PFKP: variants seen among roughly 807,000 people sequenced by gnomAD.
The protein encoded by PFKP is phosphofructokinase, platelet.
Under a neutral mutation model 94.3 loss-of-function variants are expected in PFKP, and 101 were observed. The ratio of observed to expected loss-of-function variants is 1.07; its 90% CI spans 0.91 to 1.26. The LOEUF (loss-of-function observed/expected upper bound fraction) is 1.26, where lower values mean the gene tolerates loss of function less well. Among genes scored for constraint, PFKP ranks in the 50% most tolerant of loss-of-function variants. The probability of loss-of-function intolerance (pLI) is 0.00; values close to 1 mark genes in which losing one functional copy is unlikely to be tolerated. For synonymous variants in PFKP, 573 were observed against 432.6 expected, an observed-to-expected ratio of 1.32 and a Z score of -4.03; for missense variants, 1,145 against 1,103.3, an observed-to-expected ratio of 1.04 and a Z score of -0.53.
intron 8 of PFKP, among the ~76,000 whole-genome samples, chr10:3,107,519 C>G (rs189997055): frequency 6.6e-6 from 1 of 152,244 alleles, no homozygotes; most frequent in Non-Finnish European, 1.5e-5. Context: ...CACCTCTTGC[C>G]GAGCCCGTAG....
At chr10:3,069,331 G>T in intron 1 of PFKP, 1 of 1,578,468 alleles carries the variant, frequency 6.3e-7, no homozygotes. Flanking sequence ...TGAAGAAACA[G>T]GAGAGTGAAG....
In PFKP at chr10:3,118,757, TCGTTCTCCACGTGGCTATTTTCAG is replaced by T. The variant is rs1233622921; in HGVS notation, c.1443-16_1450del. 6.3e-7 allele frequency: 1 copy of T among 1,581,518 alleles called. No homozygotes were observed. Among genetic ancestry groups the T allele is most frequent in the East Asian group, 2.3e-5 (1 of 44,406 alleles). On this transcript the variant is annotated splice_acceptor_variant and splice_polypyrimidine_tract_variant and intron_variant, in intron 14 of 21. Transcript: ENST00000381125. LOFTEE classifies it high-confidence loss of function. ...CGCGTGGAGTTTGGGGTGTCTGACA[TCGTTCTCCACGTGGCTATTTTCAG>T]CGTTCTCCCGGGGAAGTACTTGGAA...
rs770693055 is a variant in PFKP at position 3,136,423 on chromosome 10, C to T, written c.2226-27C>T. The T allele has an allele frequency of 3.1e-6, 5 of 1,612,488 alleles. No homozygotes were observed. The Admixed American group carries it at 6.7e-5, about 22-fold the overall frequency. ...ATCTCCCGCCAGTGACTGCAGGCCTCACTGCTGTCTCCTCTTACCTCCACA... is the reference window on the plus strand; with the variant it reads ...ATCTCCCGCCAGTGACTGCAGGCCTTACTGCTGTCTCCTCTTACCTCCACA... On this transcript the variant is annotated intron_variant, in intron 21 of 21. Coordinates refer to ENST00000381125, the MANE Select transcript of PFKP (RefSeq NM_002627.5).
intron 1 of PFKP, among the ~76,000 whole-genome samples, chr10:3,076,034 A>T (rs1458675331): frequency 1.4e-5 from 2 of 140,356 alleles, no homozygotes; most frequent in African/African-American, 2.7e-5. Flanking sequence ...AAAAAAAAAA[A>T]AAAAAAGTAA....
intron 2 of PFKP, 25 bp from the exon 3 acceptor site, chr10:3,099,250 A>G: frequency 6.3e-7 from 1 of 1,579,632 alleles, no homozygotes; most frequent in Non-Finnish European, 8.7e-7. Flanking sequence ...TCTCATTTTT[A>G]AAAGATTCTC....
intron 16 of PFKP, among the ~76,000 whole-genome samples, chr10:3,122,351 G>C (rs7901291): frequency 0.67 from 102,601 of 152,074 alleles, 34,935 homozygotes; most frequent in South Asian, 0.76. Flanking sequence ...TGTGGCTGCT[G>C]GGGAGCTGGG....
chr10:3,101,977 C>A (rs187446431), intron 4 of PFKP, among the ~76,000 whole-genome samples: 10 of 150,880 alleles, frequency 6.6e-5, no homozygotes, highest in African/African-American at 2.2e-4. Context: ...TTGGGCCGGG[C>A]GCGGTGGCTC....
chr10:3,076,050 G>T (rs1211011446), intron 1 of PFKP, among the ~76,000 whole-genome samples: 2 of 123,506 alleles, frequency 1.6e-5, no homozygotes, highest in African/African-American at 6.2e-5. Context: ...AGTAAAAACC[G>T]GTAAAAGCAA....
intron 16 of PFKP, among the ~76,000 whole-genome samples, chr10:3,127,611 C>T (rs7080240): frequency 0.37 from 56,441 of 152,074 alleles, 11,238 homozygotes; most frequent in Non-Finnish European, 0.46. Flanking sequence ...TAGAGAGACC[C>T]GGTACAGGTG....
At chr10:3,135,711 T>TAA (rs1360499790) in intron 20 of PFKP, 25 bp from the exon 21 acceptor site, 1 of 1,427,632 alleles carries the variant, frequency 7.0e-7, no homozygotes, top group Non-Finnish European at 9.9e-7. Context: ...AGGGTGTTAT[T>TAA]AATCTTTTTT....
intron 14 of PFKP, among the ~76,000 whole-genome samples, chr10:3,118,223 C>G (rs1264005712): frequency 6.6e-6 from 1 of 152,178 alleles, no homozygotes; most frequent in Non-Finnish European, 1.5e-5. Flanking sequence ...AACCCCAGCA[C>G]TCTGGGAGGC....
At chr10:3,093,842 A>C (rs1414649548) in intron 2 of PFKP, among the ~76,000 whole-genome samples, 1 of 151,958 alleles carries the variant, frequency 6.6e-6, no homozygotes, top group South Asian at 2.1e-4. Context: ...GTGGGGTTTC[A>C]CCGTGTTAGC....
intron 2 of PFKP, among the ~76,000 whole-genome samples, chr10:3,087,995 T>TC (rs1833743187): frequency 6.7e-6 from 1 of 149,780 alleles, no homozygotes; most frequent in African/African-American, 2.5e-5. Flanking sequence ...TTTTTTTTTT[T>TC]TTTTTTTTTT....
chr10:3,135,562 TGCACGA>T (rs1315867234), intron 20 of PFKP, among the ~76,000 whole-genome samples, 168 bp from the exon 21 acceptor site: 1 of 152,254 alleles, frequency 6.6e-6, no homozygotes, highest in Admixed American at 6.5e-5. Flanking sequence ...GGAGCAGAGC[TGCACGA>T]GGCCAGGTGC....
chr10:3,090,836 AT>A (rs1392454103), intron 2 of PFKP, among the ~76,000 whole-genome samples: 2 of 151,784 alleles, frequency 1.3e-5, no homozygotes, highest in Non-Finnish European at 2.9e-5. Context: ...ATTATGTTTT[AT>A]TTTTTTAAGG....
chr10:3,118,735 G>T, intron 14 of PFKP, 47 bp from the exon 15 acceptor site: 1 of 1,407,876 alleles, frequency 7.1e-7, no homozygotes, highest in Non-Finnish European at 1.0e-6. Context: ...TGCGGACCGC[G>T]TGGAGTTTGG....
intron 2 of PFKP, among the ~76,000 whole-genome samples, chr10:3,090,618 C>T (rs993324328): frequency 1.3e-5 from 2 of 151,624 alleles, no homozygotes; most frequent in Non-Finnish European, 2.9e-5. Flanking sequence ...AGTGTCAGGG[C>T]GATGGCATCT....
intron 14 of PFKP, 86 bp from the exon 15 acceptor site, chr10:3,118,696 G>A: frequency 1.2e-6 from 1 of 868,132 alleles, no homozygotes; most frequent in Non-Finnish European, 1.9e-6. Context: ...ACTGGGGAAG[G>A]CGGCCGGGTG....
intron 20 of PFKP, 31 bp downstream of exon 20, chr10:3,134,613 T>A: frequency 7.1e-7 from 1 of 1,401,472 alleles, no homozygotes; most frequent in Non-Finnish European, 1.0e-6. Flanking sequence ...GGCCACAGCC[T>A]CGTGATGCAG....
Sources: gnomAD v4.1 joint callset for allele counts (sites outside exome capture counted in the v4.1 genomes callset) on GRCh38, gnomAD v4.1.1 for gene constraint, MANE v1.5 for transcripts, NCBI Gene and HGNC (gene_info 2026-07-23, HGNC 2026-07-21) for gene names.